Variants in EPHA6 observed in about 807,000 individuals in gnomAD.
EPHA6 encodes the protein EPH receptor A6, also known as ephrin type-A receptor 6.
Under a neutral mutation model 112.0 loss-of-function variants are expected in EPHA6, and 50 were observed. The ratio of observed to expected loss-of-function variants is 0.45; its 90% CI spans 0.36 to 0.56. EPHA6 has a LOEUF of 0.56. Among genes scored for constraint, EPHA6 ranks in the 20% least tolerant of loss-of-function variants. The pLI is 0.00. For synonymous variants in EPHA6, 529 were observed against 490.7 expected, an observed-to-expected ratio of 1.08 and a Z score of -1.03; for missense variants, 1,280 against 1,417.4, an observed-to-expected ratio of 0.90 and a Z score of 1.56.
intron 5 of EPHA6, among the ~76,000 whole-genome samples, chr3:97,355,413 T>C (rs1295590077): frequency 6.6e-6 from 1 of 152,198 alleles, no homozygotes; most frequent in African/African-American, 2.4e-5. Context: ...TTTTTGTTTG[T>C]TAGTCCATTT....
At position 97,109,099 on chromosome 3, in the gene EPHA6, T is replaced by C. The variant is rs920697313; in HGVS notation, c.1115-117165T>C. On this transcript the variant is annotated intron_variant, in intron 3 of 17. Transcript: ENST00000389672. ...TCTTGCCAAGTTTTTCCTATTAATGTAAGATGCTTGAGAGAAAGAACCATG... is the reference window on the plus strand; with the variant it reads ...TCTTGCCAAGTTTTTCCTATTAATGCAAGATGCTTGAGAGAAAGAACCATG... Among the ~76,000 whole-genome samples, 4 of 152,320 alleles carry C rather than the reference T, an allele frequency of 2.6e-5. No homozygotes were observed. In the East Asian group the frequency reaches 7.7e-4, roughly 29 times the overall value.
At chr3:96,958,412 A>T (rs1223015851) in intron 2 of EPHA6, among the ~76,000 whole-genome samples, 2 of 152,176 alleles carry the variant, frequency 1.3e-5, no homozygotes, top group Non-Finnish European at 2.9e-5. Context: ...GTGAATAATA[A>T]TATTACCTAC....
At chr3:97,088,999 C>T (rs181725476) in intron 3 of EPHA6, among the ~76,000 whole-genome samples, 149 of 152,178 alleles carry the variant, frequency 9.8e-4, no homozygotes, top group African/African-American at 3.4e-3. Flanking sequence ...TAAATAGAAA[C>T]TAGCTTTAGG....
At chr3:97,667,210 T>C (rs1241919886) in intron 14 of EPHA6, among the ~76,000 whole-genome samples, 1 of 152,216 alleles carries the variant, frequency 6.6e-6, no homozygotes, top group Non-Finnish European at 1.5e-5. Flanking sequence ...AAGATGATAA[T>C]TAGCTGGCAA....
chr3:97,031,062 T>A (rs1329499179), intron 3 of EPHA6, among the ~76,000 whole-genome samples: 1 of 151,954 alleles, frequency 6.6e-6, no homozygotes, highest in African/African-American at 2.4e-5. Context: ...GTTAAGAATT[T>A]TTTAGAAGTG....
chr3:97,408,500 T>C (rs897134546), intron 6 of EPHA6, among the ~76,000 whole-genome samples: 2 of 152,112 alleles, frequency 1.3e-5, no homozygotes, highest in Non-Finnish European at 2.9e-5. Flanking sequence ...TATTTCATTA[T>C]TCTCTTAGTC....
chr3:97,624,042 A>G (rs1298396730), intron 13 of EPHA6, among the ~76,000 whole-genome samples: 1 of 151,644 alleles, frequency 6.6e-6, no homozygotes, highest in East Asian at 1.9e-4. Context: ...CCAAAAAAAA[A>G]AGTTGTTGTT....
At chr3:97,156,571 T>C (rs1202190422) in intron 3 of EPHA6, among the ~76,000 whole-genome samples, 1 of 152,180 alleles carries the variant, frequency 6.6e-6, no homozygotes, top group African/African-American at 2.4e-5. Context: ...CATTAGCAGA[T>C]AAAAGTTATA....
chr3:96,972,382 G>A (rs1200928848), intron 2 of EPHA6, among the ~76,000 whole-genome samples: 1 of 150,348 alleles, frequency 6.7e-6, no homozygotes, highest in African/African-American at 2.5e-5. Flanking sequence ...AATCAATACA[G>A]AAAAGGGAAG....
intron 6 of EPHA6, among the ~76,000 whole-genome samples, chr3:97,448,141 C>T (rs998048922): frequency 1.3e-5 from 2 of 152,078 alleles, no homozygotes; most frequent in South Asian, 2.1e-4. Flanking sequence ...CCACGGATAG[C>T]GCCGGCATTT....
intron 6 of EPHA6, among the ~76,000 whole-genome samples, chr3:97,410,834 G>A (rs1323604321): frequency 6.6e-6 from 1 of 152,026 alleles, no homozygotes. Flanking sequence ...TGATAAAGGG[G>A]AAAATAATCA....
chr3:97,113,700 TA>T (rs1159875890), intron 3 of EPHA6, among the ~76,000 whole-genome samples: 2 of 152,160 alleles, frequency 1.3e-5, no homozygotes, highest in African/African-American at 4.8e-5. Context: ...TAACATTTTT[TA>T]CTTCTCTCTC....
intron 13 of EPHA6, among the ~76,000 whole-genome samples, chr3:97,636,578 A>G (rs968881338): frequency 6.6e-6 from 1 of 152,046 alleles, no homozygotes; most frequent in Non-Finnish European, 1.5e-5. Flanking sequence ...TATCAGAGAG[A>G]TAAGTTGATA....
intron 5 of EPHA6, among the ~76,000 whole-genome samples, chr3:97,264,939 G>T (rs142036905): frequency 6.6e-6 from 1 of 152,180 alleles, no homozygotes. Context: ...TCTCAGCAGA[G>T]AGCATAGCTC....
Position 97,044,146 on chromosome 3 carries a change from G to T in EPHA6, c.1114+56153G>T, listed in dbSNP as rs150684788. On this transcript the variant is annotated intron_variant, in intron 3 of 17. Transcript: ENST00000389672. ...GCTCAGGCTTTCTACATGTGACAAA[G>T]TCCTTTTTATGTTTTAGGATTCAGC... 2.7e-3 allele frequency among the ~76,000 whole-genome samples: 416 copies of T among 152,280 alleles called. 1 individual carries two copies. The highest frequency in any genetic ancestry group is 0.012 in the Admixed American group (184 of 15,274).
intron 14 of EPHA6, among the ~76,000 whole-genome samples, chr3:97,651,837 CTT>C (rs2094109356): frequency 6.6e-6 from 1 of 151,872 alleles, no homozygotes; most frequent in Non-Finnish European, 1.5e-5. Context: ...AACATGCTGA[CTT>C]TATTTTTTTT....
intron 2 of EPHA6, among the ~76,000 whole-genome samples, chr3:96,932,474 A>T (rs892262323): frequency 1.3e-5 from 2 of 152,210 alleles, no homozygotes; most frequent in Non-Finnish European, 2.9e-5. Flanking sequence ...CTGGTTTTCT[A>T]TTATTTAACA....
At chr3:97,248,151 T>G (rs1235264831) in intron 5 of EPHA6, among the ~76,000 whole-genome samples, 1 of 152,034 alleles carries the variant, frequency 6.6e-6, no homozygotes, top group African/African-American at 2.4e-5. Context: ...AAACATTCCT[T>G]GATTATTCTG....
intron 14 of EPHA6, among the ~76,000 whole-genome samples, chr3:97,640,900 T>C (rs1457180551): frequency 6.6e-6 from 1 of 152,166 alleles, no homozygotes; most frequent in Non-Finnish European, 1.5e-5. Flanking sequence ...AGAATGGTTA[T>C]ATGACTTTAA....
Sources: allele counts gnomAD v4.1 joint callset (sites outside exome capture counted in the v4.1 genomes callset), GRCh38; gene constraint gnomAD v4.1.1; transcripts MANE v1.5; gene names NCBI Gene and HGNC (gene_info 2026-07-23, HGNC 2026-07-21).